The following NRG1 variants were observed in gnomAD, a reference collection of about 807,000 sequenced individuals.
NRG1 encodes neuregulin 1.
In NRG1, 18 loss-of-function variants were observed where a neutral mutation model predicts 63.8. The ratio of observed to expected loss-of-function variants is 0.28; its 90% CI spans 0.19 to 0.42. The LOEUF is 0.42. NRG1 is among the 10% of genes least tolerant of loss of function. The probability of loss-of-function intolerance (pLI) is 1.00; values close to 1 mark genes in which losing one functional copy is unlikely to be tolerated. For synonymous variants in NRG1, 302 were observed against 301.3 expected (o/e 1.00, Z -0.02); for missense variants, 762 against 814.7 (o/e 0.94, Z 0.79).
intron 1 of NRG1, among the ~76,000 whole-genome samples, chr8:32,315,667 T>A (rs1857303221): frequency 6.6e-6 from 1 of 152,194 alleles, no homozygotes; most frequent in Non-Finnish European, 1.5e-5. Context: ...ATCTGATACC[T>A]AACATGGAAT....
intron 1 of NRG1, among the ~76,000 whole-genome samples, chr8:32,383,886 G>A (rs1051863366): frequency 6.6e-6 from 1 of 152,166 alleles, no homozygotes; most frequent in African/African-American, 2.4e-5. Context: ...AATTGGGACT[G>A]TAATTCTTAC....
intron 1 of NRG1, among the ~76,000 whole-genome samples, chr8:32,474,936 A>G (rs1314935247): frequency 4.6e-5 from 7 of 152,166 alleles, no homozygotes; most frequent in Non-Finnish European, 1.0e-4. Context: ...TGCAAAGCAC[A>G]TAGGATCATA....
chr8:32,600,420 C>G (rs1844143852), intron 2 of NRG1, among the ~76,000 whole-genome samples: 1 of 151,890 alleles, frequency 6.6e-6, no homozygotes, highest in East Asian at 1.9e-4. Context: ...GAGTTCTTCC[C>G]TATATGTGTT....
chr8:32,391,655 G>T (rs1299508710), intron 1 of NRG1, among the ~76,000 whole-genome samples: 1 of 152,058 alleles, frequency 6.6e-6, no homozygotes, highest in Non-Finnish European at 1.5e-5. Flanking sequence ...GAGAATGATG[G>T]CCTCTAACTC....
intron 1 of NRG1, among the ~76,000 whole-genome samples, chr8:31,840,193 G>A (rs1307807177): frequency 1.3e-5 from 2 of 152,102 alleles, no homozygotes; most frequent in Non-Finnish European, 1.5e-5. Flanking sequence ...ACACCAATTT[G>A]TGACGGTCCT....
chr8:32,035,010 G>A (rs1818817959), intron 1 of NRG1, among the ~76,000 whole-genome samples: 1 of 151,704 alleles, frequency 6.6e-6, no homozygotes, highest in Admixed American at 6.6e-5. Context: ...TTTACTCTTG[G>A]TTCTCTAGAT....
intron 1 of NRG1, among the ~76,000 whole-genome samples, chr8:31,713,229 G>T (rs551936728): frequency 6.8e-6 from 1 of 146,666 alleles, no homozygotes; most frequent in East Asian, 2.1e-4. Flanking sequence ...CCATTCTCCT[G>T]CCTCAGCCTC....
upstream of NRG1, among the ~76,000 whole-genome samples, chr8:32,545,380 T>C (rs1053979932): frequency 2.0e-5 from 3 of 152,208 alleles, no homozygotes; most frequent in African/African-American, 7.2e-5. Context: ...GGAGCTGATA[T>C]ACCCTATATA....
intron 5 of NRG1, among the ~76,000 whole-genome samples, chr8:32,702,402 G>A (rs1163577517): frequency 1.3e-5 from 2 of 152,220 alleles, no homozygotes; most frequent in Admixed American, 6.5e-5. Flanking sequence ...GAAATAAACA[G>A]CAACCCATGT....
chr8:31,773,467 A>G (rs13270788), intron 1 of NRG1, among the ~76,000 whole-genome samples: 55,396 of 152,062 alleles, frequency 0.36, 11,579 homozygotes, highest in East Asian at 0.78. Flanking sequence ...CATGAGTCCA[A>G]CTAAAAACCT....
intron 1 of NRG1, among the ~76,000 whole-genome samples, chr8:32,349,566 A>T (rs1427151845): frequency 5.9e-5 from 9 of 152,192 alleles, no homozygotes; most frequent in African/African-American, 2.2e-4. Flanking sequence ...TGAGGGATGG[A>T]AGTGAAGAGT....
intron 1 of NRG1, among the ~76,000 whole-genome samples, chr8:31,840,962 T>C (rs1473649396): frequency 1.3e-5 from 2 of 152,202 alleles, no homozygotes; most frequent in South Asian, 2.1e-4. Flanking sequence ...CATATTGCCA[T>C]GTGTGTTCAA....
At chr8:31,924,861 G>T in intron 1 of NRG1, among the ~76,000 whole-genome samples, 1 of 150,622 alleles carries the variant, frequency 6.6e-6, no homozygotes, top group Non-Finnish European at 1.5e-5. Context: ...TTAATCCAGG[G>T]GTTATTTAAA....
intron 1 of NRG1, among the ~76,000 whole-genome samples, chr8:31,654,735 T>C (rs1230153710): frequency 6.6e-6 from 1 of 152,204 alleles, no homozygotes; most frequent in Non-Finnish European, 1.5e-5. Flanking sequence ...GCCAGGAGTC[T>C]GAGACCAGCT....
At chr8:32,238,386 C>T (rs1203555942) in intron 1 of NRG1, among the ~76,000 whole-genome samples, 3 of 148,630 alleles carry the variant, frequency 2.0e-5, no homozygotes, top group African/African-American at 5.0e-5. Context: ...TTGAACATGG[C>T]GGAGATTGCA....
At chr8:32,176,531 T>C (rs1027969856) in intron 1 of NRG1, among the ~76,000 whole-genome samples, 1 of 151,874 alleles carries the variant, frequency 6.6e-6, no homozygotes, top group Non-Finnish European at 1.5e-5. Flanking sequence ...ACCATCAGAG[T>C]AAACAGGCAG....
chr8:32,594,958 C>A (rs560807211), intron 1 of NRG1, among the ~76,000 whole-genome samples: 4 of 152,108 alleles, frequency 2.6e-5, no homozygotes, highest in Non-Finnish European at 5.9e-5. Context: ...GTTCTTTGGT[C>A]CCCTCTGATG....
chr8:32,548,484 G>C, exon 1 of NRG1: 2 of 1,197,622 alleles, frequency 1.7e-6, no homozygotes, highest in Non-Finnish European at 2.1e-6. Context: ...CGACTTCCCG[G>C]GGCGACAGGA....
intron 1 of NRG1, among the ~76,000 whole-genome samples, chr8:31,878,568 G>A (rs1416353908): frequency 6.6e-6 from 1 of 152,184 alleles, no homozygotes; most frequent in Non-Finnish European, 1.5e-5. Context: ...AAACTGAGTG[G>A]CACACATTTA....
Sources: allele counts gnomAD v4.1 joint callset (sites outside exome capture counted in the v4.1 genomes callset), GRCh38; gene constraint gnomAD v4.1.1; transcripts MANE v1.5; gene names NCBI Gene and HGNC (gene_info 2026-07-23, HGNC 2026-07-21).